The following RHPN2 variants were observed in gnomAD, a reference collection of about 807,000 sequenced individuals.
The protein encoded by RHPN2 is rhophilin Rho GTPase binding protein 2.
A neutral mutation model predicts 79.0 loss-of-function variants in RHPN2; 40 were observed. That is an observed-to-expected ratio of 0.51 (90% CI 0.39 to 0.66). RHPN2 has a LOEUF of 0.66. Among genes scored for constraint, RHPN2 ranks in the 30% least tolerant of loss-of-function variants. RHPN2 has a pLI of 0.00. For missense variants in RHPN2, 686 were observed against 883.5 expected (o/e 0.78, Z 2.83); for synonymous variants, 285 against 363.5 (o/e 0.78, Z 2.46).
At chr19:33,042,606 G>A (rs1046330888) in intron 2 of RHPN2, among the ~76,000 whole-genome samples, 9 of 152,144 alleles carry the variant, frequency 5.9e-5, no homozygotes, top group African/African-American at 2.2e-4. Context: ...TCCCACCCAG[G>A]ACCTCAAGTC....
At chr19:33,011,950 G>T in intron 5 of RHPN2, 147 bp from the exon 6 acceptor site, 1 of 1,043,046 alleles carries the variant, frequency 9.6e-7, no homozygotes, top group African/African-American at 1.6e-5. Context: ...AACTCTGGGA[G>T]GGGTGGAAAG....
chr19:33,006,649 G>A (rs1488412614), intron 7 of RHPN2, among the ~76,000 whole-genome samples: 1 of 152,186 alleles, frequency 6.6e-6, no homozygotes, highest in Admixed American at 6.6e-5. Context: ...TCCCCACGTG[G>A]AGTCTGACCC....
At chr19:33,021,365 CT>C (rs985448894) in intron 4 of RHPN2, among the ~76,000 whole-genome samples, 1 of 151,694 alleles carries the variant, frequency 6.6e-6, no homozygotes, top group African/African-American at 2.4e-5. Context: ...CATTTTTTTT[CT>C]TTTTTTTGGA....
intron 7 of RHPN2, among the ~76,000 whole-genome samples, chr19:33,003,468 A>C (rs1971767328): frequency 6.6e-6 from 1 of 151,440 alleles, no homozygotes; most frequent in Admixed American, 6.6e-5. Context: ...CAGCAATTCC[A>C]CTCCTATGAT....
intron 3 of RHPN2, 51 bp downstream of exon 3, chr19:33,026,453 C>A (rs532518884): frequency 6.3e-7 from 1 of 1,597,818 alleles, no homozygotes. Context: ...CCTGGATGTA[C>A]GAAGGATCTC....
At chr19:32,980,876 C>T (rs1382167058) in intron 14 of RHPN2, among the ~76,000 whole-genome samples, 1 of 151,894 alleles carries the variant, frequency 6.6e-6, no homozygotes, top group South Asian at 2.1e-4. Flanking sequence ...CTCACTCTGT[C>T]GCCCAGGCTG....
chr19:33,005,854 A>G (rs544284979), intron 7 of RHPN2, among the ~76,000 whole-genome samples: 10 of 152,290 alleles, frequency 6.6e-5, no homozygotes, highest in Middle Eastern at 3.4e-3. Flanking sequence ...GAATCTTAGC[A>G]TATCGCTTCA....
chr19:33,044,181 C>T (rs939560473), intron 2 of RHPN2, 68 bp downstream of exon 2: 26 of 1,231,102 alleles, frequency 2.1e-5, no homozygotes, highest in Non-Finnish European at 2.8e-5. Flanking sequence ...AACCAAGAGC[C>T]TGGCCTGGGA....
chr19:33,010,401 GAC>G (rs1340043505), intron 6 of RHPN2, among the ~76,000 whole-genome samples: 5 of 86,844 alleles, frequency 5.8e-5, no homozygotes. Context: ...TTTTTTTTTT[GAC>G]ACAGAGTCTC....
intron 1 of RHPN2, among the ~76,000 whole-genome samples, chr19:33,056,654 G>A (rs375582040): frequency 6.6e-6 from 1 of 152,172 alleles, no homozygotes; most frequent in East Asian, 1.9e-4. Context: ...AGTAATATAA[G>A]TTGAGAAAGT....
At chr19:32,993,212 G>A (rs1417198212) in intron 12 of RHPN2, among the ~76,000 whole-genome samples, 1 of 151,720 alleles carries the variant, frequency 6.6e-6, no homozygotes, top group African/African-American at 2.4e-5. Flanking sequence ...CAGTGGCTCA[G>A]GCCTGTAATC....
In RHPN2 at chr19:33,012,741, G is replaced by A. The variant is rs1343912495; in HGVS notation, c.391-17C>T. The stretch of plus-strand genomic sequence containing the variant: ...GATAAAATCCTTAAAGAAAAATGAG[G>A]TCAGATGTTATAAAGTGTGGCTGAA... On this transcript the variant is annotated splice_polypyrimidine_tract_variant and intron_variant, in intron 4 of 14. Transcript: ENST00000254260. The A allele has an allele frequency of 2.1e-6, 3 of 1,432,326 alleles. No individual in the cohort carries two copies. In the African/African-American group the frequency reaches 4.2e-5, roughly 20 times the overall value. The allele number at this position is 1,432,326 out of a possible 1,614,324, so 88.7% of individuals were successfully genotyped here.
chr19:32,994,002 G>A lies in RHPN2; in HGVS notation c.1472C>T (p.Thr491Ile). ...DIILPQFSKLTVTDFFQKLGP... is the reference protein window; with the variant it reads ...DIILPQFSKLIVTDFFQKLGP... The stretch of plus-strand genomic sequence containing the variant: ...CAGCTTCTGGAAGAAGTCCGTGACT[G>A]TCAGCTTGGAGAACTGGGGCAATAT... The change falls in exon 12 of 15, where the codon ACA becomes ATA. Residue 491 changes from threonine (T) to isoleucine (I), a missense_variant. By Grantham distance (89) the Thr-to-Ile change is moderately conservative. Coordinates refer to ENST00000254260, the MANE Select transcript of RHPN2 (RefSeq NM_033103.5). The A allele has an allele frequency of 3.1e-6, 5 of 1,613,314 alleles. No individual in the cohort carries two copies. The highest frequency in any genetic ancestry group is 1.1e-5 in the South Asian group (1 of 91,062).
intron 1 of RHPN2, among the ~76,000 whole-genome samples, chr19:33,057,438 C>T (rs575842591): frequency 6.6e-6 from 1 of 152,118 alleles, no homozygotes; most frequent in Non-Finnish European, 1.5e-5. Context: ...GCCTGTAATC[C>T]CAGCACTTTG....
At chr19:33,004,018 T>C (rs1971771499) in intron 7 of RHPN2, among the ~76,000 whole-genome samples, 1 of 152,134 alleles carries the variant, frequency 6.6e-6, no homozygotes, top group Admixed American at 6.6e-5. Context: ...TCTTAAAAAA[T>C]ATATACTTTT....
At chr19:33,020,635 G>A (rs1971916383) in intron 4 of RHPN2, among the ~76,000 whole-genome samples, 1 of 152,068 alleles carries the variant, frequency 6.6e-6, no homozygotes, top group Non-Finnish European at 1.5e-5. Context: ...AAGTAACTGG[G>A]ATTACAGGTG....
chr19:33,052,077 A>G (rs1373052091), intron 1 of RHPN2, among the ~76,000 whole-genome samples: 1 of 151,954 alleles, frequency 6.6e-6, no homozygotes, highest in Non-Finnish European at 1.5e-5. Context: ...TTGGATTTCT[A>G]GCCTCTAGAA....
chr19:33,014,012 ACCACAGGCACGTG>A (rs1971858859), intron 4 of RHPN2, among the ~76,000 whole-genome samples: 1 of 151,638 alleles, frequency 6.6e-6, no homozygotes, highest in South Asian at 2.1e-4. Context: ...AGTAGCTGGG[ACCACAGGCACGTG>A]CCACAAGCTA....
At position 32,980,078 on chromosome 19, in the gene RHPN2, G is replaced by C; in HGVS notation, c.1979C>G (p.Ser660Trp). Residue 660 changes from serine (S) to tryptophan (W), a missense_variant, in exon 15 of 15, where the codon TCG becomes TGG. Physicochemically the swap from Ser to Trp is radical, Grantham distance 177. Transcript: ENST00000254260. Reference sequence around the variant, plus strand: ...GACCTGAGGCCGTGCAGCCCCGACCGATGGGAGGCACAAGGTGCTGGCTGA... The same window carrying C: ...GACCTGAGGCCGTGCAGCCCCGACCCATGGGAGGCACAAGGTGCTGGCTGA... ...QKSASTLCLP[S>W]VGAARPQVKK... The C allele has an allele frequency of 8.7e-6, 14 of 1,613,824 alleles. No homozygotes were observed. Among genetic ancestry groups the C allele is most frequent in the Non-Finnish European group, 1.2e-5 (14 of 1,179,766 alleles).
Sources: gnomAD v4.1 joint callset for allele counts (sites outside exome capture counted in the v4.1 genomes callset) on GRCh38, gnomAD v4.1.1 for gene constraint, MANE v1.5 for transcripts, NCBI Gene and HGNC (gene_info 2026-07-23, HGNC 2026-07-21) for gene names.